Variants in ZFAND3 observed in about 807,000 individuals in gnomAD.
ZFAND3 encodes the protein AN1-type zinc finger protein 3.
Under a neutral mutation model 29.6 loss-of-function variants are expected in ZFAND3, and 10 were observed. The ratio of observed to expected loss-of-function variants is 0.34; its 90% confidence interval spans 0.21 to 0.57. The LOEUF (loss-of-function observed/expected upper bound fraction) is 0.57, where lower values mean the gene tolerates loss of function less well. ZFAND3 is among the 20% of genes least tolerant of loss of function. ZFAND3 has a pLI of 0.86. For synonymous variants in ZFAND3, 128 were observed against 112.6 expected (o/e 1.14, Z -0.87); for missense variants, 230 against 304.5 (o/e 0.76, Z 1.82).
At chr6:38,123,615 A>G (rs536060964) in intron 5 of ZFAND3, among the ~76,000 whole-genome samples, 1 of 152,306 alleles carries the variant, frequency 6.6e-6, no homozygotes, top group East Asian at 1.9e-4. Context: ...ATGCTCTACT[A>G]TGAGTTATAG....
intron 1 of ZFAND3, among the ~76,000 whole-genome samples, chr6:37,921,138 C>T (rs1761369401): frequency 6.6e-6 from 1 of 152,068 alleles, no homozygotes; most frequent in Non-Finnish European, 1.5e-5. Flanking sequence ...CCCTTTCCTC[C>T]TTTGTCTGGA....
chr6:37,893,665 TGCCTCA>T (rs1765144684), intron 1 of ZFAND3, among the ~76,000 whole-genome samples: 1 of 152,150 alleles, frequency 6.6e-6, no homozygotes, highest in African/African-American at 2.4e-5. Flanking sequence ...GCGATTCTCC[TGCCTCA>T]GCCTCCTGAG....
At chr6:37,864,102 G>T (rs552371306) in intron 1 of ZFAND3, among the ~76,000 whole-genome samples, 1 of 152,268 alleles carries the variant, frequency 6.6e-6, no homozygotes, top group East Asian at 1.9e-4. Flanking sequence ...CATAAAGTTT[G>T]TGTAGGCCAT....
At chr6:37,898,649 G>T (rs186449039) in intron 1 of ZFAND3, among the ~76,000 whole-genome samples, 2 of 152,212 alleles carry the variant, frequency 1.3e-5, no homozygotes, top group East Asian at 3.9e-4. Flanking sequence ...AATTTTCAGT[G>T]TAGCAACCCT....
chr6:37,917,309 A>C (rs1391028466), intron 1 of ZFAND3, among the ~76,000 whole-genome samples: 3 of 152,120 alleles, frequency 2.0e-5, no homozygotes, highest in Non-Finnish European at 2.9e-5. Context: ...ATGGGTGACA[A>C]AACCCAATTG....
intron 1 of ZFAND3, among the ~76,000 whole-genome samples, chr6:37,828,225 G>C (rs1436414307): frequency 2.0e-5 from 3 of 152,050 alleles, no homozygotes; most frequent in Non-Finnish European, 1.5e-5. Flanking sequence ...CCAGGCACTT[G>C]GTTTTATTCA....
intron 4 of ZFAND3, 123 bp downstream of exon 4, chr6:38,082,580 A>G (rs1260163222): frequency 2.3e-6 from 2 of 864,310 alleles, no homozygotes; most frequent in Non-Finnish European, 3.6e-6. Context: ...GTGAGGTGAT[A>G]TGTGCTTAGT....
At chr6:38,082,247 C>A in intron 3 of ZFAND3, 145 bp from the exon 4 acceptor site, 1 of 649,848 alleles carries the variant, frequency 1.5e-6, no homozygotes, top group Non-Finnish European at 2.6e-6. Flanking sequence ...AATTAACCCA[C>A]CACCACCGTC....
intron 1 of ZFAND3, among the ~76,000 whole-genome samples, chr6:37,863,621 T>C (rs561187665): frequency 1.2e-3 from 178 of 152,212 alleles, no homozygotes; most frequent in Non-Finnish European, 2.1e-3. Context: ...TTTTTTTTTT[T>C]CTTTTTCAGT....
At chr6:37,938,041 A>G (rs1407016282) in intron 2 of ZFAND3, among the ~76,000 whole-genome samples, 2 of 152,206 alleles carry the variant, frequency 1.3e-5, no homozygotes, top group Non-Finnish European at 2.9e-5. Context: ...TACCCTAGTC[A>G]TCATCTTCCC....
chr6:37,832,088 C>A (rs955056519), intron 1 of ZFAND3, among the ~76,000 whole-genome samples: 10 of 152,112 alleles, frequency 6.6e-5, no homozygotes, highest in African/African-American at 2.4e-4. Context: ...GAGAATAATG[C>A]ATAAAACAAA....
chr6:38,041,799 CTCCTCTTCT>C (rs544472396), intron 2 of ZFAND3, among the ~76,000 whole-genome samples: 555 of 2,360 alleles, frequency 0.24, 264 homozygotes, highest in East Asian at 1. Flanking sequence ...TCTTCTTCTT[CTCCTCTTCT>C]TTCTTCTTCT....
At chr6:37,962,777 C>T in intron 2 of ZFAND3, among the ~76,000 whole-genome samples, 1 of 152,168 alleles carries the variant, frequency 6.6e-6, no homozygotes, top group East Asian at 1.9e-4. Flanking sequence ...TCTCGGGTCC[C>T]CTTCCACGCT....
chr6:37,850,953 T>C (rs2127379057), intron 1 of ZFAND3, among the ~76,000 whole-genome samples: 1 of 151,708 alleles, frequency 6.6e-6, no homozygotes, highest in East Asian at 2.0e-4. Flanking sequence ...CCAAATTGAT[T>C]TTCTTGGTTT....
chr6:38,099,823 A>G (rs1343375230), intron 4 of ZFAND3, among the ~76,000 whole-genome samples: 4 of 152,206 alleles, frequency 2.6e-5, no homozygotes, highest in Non-Finnish European at 5.9e-5. Flanking sequence ...GAAGTCAAAC[A>G]ACTCTCTTCA....
chr6:38,135,798 G>A (rs560886696), intron 5 of ZFAND3, among the ~76,000 whole-genome samples: 1 of 152,136 alleles, frequency 6.6e-6, no homozygotes, highest in South Asian at 2.1e-4. Context: ...TGTGTAGACA[G>A]ATGAGAGGTA....
At chr6:37,939,890 A>G (rs1460034929) in intron 2 of ZFAND3, among the ~76,000 whole-genome samples, 1 of 152,212 alleles carries the variant, frequency 6.6e-6, no homozygotes, top group East Asian at 1.9e-4. Context: ...AAATATAAAA[A>G]TTAGCTGGGA....
At chr6:37,868,676 T>G (rs556428838) in intron 1 of ZFAND3, among the ~76,000 whole-genome samples, 2 of 152,350 alleles carry the variant, frequency 1.3e-5, no homozygotes, top group East Asian at 3.9e-4. Context: ...GGTGTGGGTG[T>G]TGATGAGTTG....
At chr6:37,935,480 T>C (rs1383866047) in intron 2 of ZFAND3, among the ~76,000 whole-genome samples, 1 of 152,234 alleles carries the variant, frequency 6.6e-6, no homozygotes, top group African/African-American at 2.4e-5. Flanking sequence ...GTTGAAATAC[T>C]ACCTCTTAAT....
Sources: allele counts gnomAD v4.1 joint callset (sites outside exome capture counted in the v4.1 genomes callset), GRCh38; gene constraint gnomAD v4.1.1; transcripts MANE v1.5; gene names NCBI Gene and HGNC (gene_info 2026-07-23, HGNC 2026-07-21).